IPO11: variants seen among roughly 807,000 people sequenced by gnomAD.
The protein encoded by IPO11 is importin-11.
In IPO11, 66 loss-of-function variants were observed where a neutral mutation model predicts 143.2. The observed-to-expected ratio is 0.46, with a 90% CI of 0.38 to 0.57. The LOEUF is 0.57. Ranked by LOEUF, IPO11 falls within the 20% of genes least tolerant of loss-of-function variation. The pLI is 0.00. For synonymous variants in IPO11, 385 were observed against 377.8 expected (o/e 1.02, Z -0.22); for missense variants, 1,026 against 1,141.0 (o/e 0.90, Z 1.45).
chr5:62,477,662 C>G (rs1208145354), intron 9 of IPO11, among the ~76,000 whole-genome samples: 2 of 152,198 alleles, frequency 1.3e-5, no homozygotes, highest in Non-Finnish European at 2.9e-5. Context: ...GTATATATCA[C>G]TGACACTTGC....
chr5:62,417,120 GT>G (rs34609055), intron 1 of IPO11, among the ~76,000 whole-genome samples: 8 of 146,502 alleles, frequency 5.5e-5, no homozygotes, highest in East Asian at 2.0e-4. Flanking sequence ...ATTTTTCTTA[GT>G]TTTTTTTTTT....
intron 4 of IPO11, among the ~76,000 whole-genome samples, chr5:62,451,487 T>C (rs1438724013): frequency 1.3e-5 from 2 of 152,172 alleles, no homozygotes; most frequent in Admixed American, 6.5e-5. Flanking sequence ...GTGGACATTA[T>C]ATGAAGAAAA....
chr5:62,455,284 C>A (rs1745091847), intron 5 of IPO11, among the ~76,000 whole-genome samples: 1 of 152,094 alleles, frequency 6.6e-6, no homozygotes, highest in African/African-American at 2.4e-5. Context: ...CACTGGGAGG[C>A]CGTGGTGGGC....
At chr5:62,565,873 T>G (rs1397444379) in intron 27 of IPO11, among the ~76,000 whole-genome samples, 1 of 149,828 alleles carries the variant, frequency 6.7e-6, no homozygotes, top group Non-Finnish European at 1.5e-5. Flanking sequence ...AGTGAGAGCA[T>G]GCAGTGCTTG....
intron 20 of IPO11, among the ~76,000 whole-genome samples, chr5:62,520,588 T>C (rs1254391162): frequency 3.3e-5 from 5 of 152,254 alleles, no homozygotes; most frequent in Admixed American, 1.3e-4. Flanking sequence ...GTGTTCTCAT[T>C]GTTCAGTTCC....
chr5:62,613,298 CTTTTTT>C (rs372608086), intron 29 of IPO11, among the ~76,000 whole-genome samples: 2 of 69,054 alleles, frequency 2.9e-5, no homozygotes, highest in African/African-American at 5.4e-5. Context: ...ACATGCTCTT[CTTTTTT>C]TTTTTTTTTT....
At chr5:62,530,639 T>C in intron 21 of IPO11, 70 bp from the exon 22 acceptor site, 2 of 891,320 alleles carry the variant, frequency 2.2e-6, no homozygotes, top group Admixed American at 4.0e-5. Context: ...CCTTTTAAAA[T>C]ATTTAAGTCA....
At chr5:62,474,863 T>C (rs1580221411) in intron 8 of IPO11, among the ~76,000 whole-genome samples, 1 of 152,150 alleles carries the variant, frequency 6.6e-6, no homozygotes, top group African/African-American at 2.4e-5. Flanking sequence ...AACAGGCAGG[T>C]AGTGTATATA....
Position 62,561,178 on chromosome 5 carries a change from C to T in IPO11, c.2503C>T (p.Arg835Ter). The T allele has an allele frequency of 1.2e-6, 2 of 1,609,702 alleles. No homozygotes were observed. Among genetic ancestry groups the T allele is most frequent in the Non-Finnish European group, 1.7e-6 (2 of 1,177,972 alleles). The change falls in exon 27 of 30, where the codon CGA (arginine) becomes TGA (stop). Residue 835 changes from arginine (R) to a stop codon, truncating the protein, a stop_gained. Transcript: ENST00000325324. LOFTEE classifies it high-confidence loss of function. Reference protein sequence around the residue: ...LGNMIEMWVDRMDNITQPERR... With the variant: ...LGNMIEMWVD ...AAATATGATTGAAATGTGGGTTGATCGAATGGACAACATTACCCAGCCTGA... is the reference window on the plus strand; with the variant it reads ...AAATATGATTGAAATGTGGGTTGATTGAATGGACAACATTACCCAGCCTGA...
At chr5:62,478,271 TC>T (rs1333754620) in intron 9 of IPO11, among the ~76,000 whole-genome samples, 1 of 152,162 alleles carries the variant, frequency 6.6e-6, no homozygotes, top group Non-Finnish European at 1.5e-5. Flanking sequence ...GCTCAAGTGA[TC>T]CTTCCACCTC....
chr5:62,540,628 G>T (rs1436889726), intron 24 of IPO11, among the ~76,000 whole-genome samples: 1 of 152,240 alleles, frequency 6.6e-6, no homozygotes, highest in African/African-American at 2.4e-5. Context: ...TCCAGGGTTA[G>T]AACATTGGCT....
At chr5:62,474,601 C>A in intron 8 of IPO11, 137 bp downstream of exon 8, 2 of 655,422 alleles carry the variant, frequency 3.1e-6, no homozygotes, top group Middle Eastern at 3.9e-4. Flanking sequence ...ACTTATAAAT[C>A]TAGAGAAAGT....
At chr5:62,545,875 A>G (rs1389226784) in intron 24 of IPO11, among the ~76,000 whole-genome samples, 3 of 152,244 alleles carry the variant, frequency 2.0e-5, no homozygotes, top group South Asian at 2.1e-4. Context: ...CATCAGAGAA[A>G]TGCAAATTAA....
At chr5:62,413,262 G>A (rs186722290) in intron 1 of IPO11, 15 of 152,426 alleles carry the variant, frequency 9.8e-5, no homozygotes, top group African/African-American at 3.1e-4. Flanking sequence ...TTGGGGGATA[G>A]GTGGTGCAAA....
intron 1 of IPO11, among the ~76,000 whole-genome samples, chr5:62,421,405 G>C (rs543799001): frequency 2.0e-5 from 3 of 152,316 alleles, no homozygotes; most frequent in African/African-American, 7.2e-5. Context: ...CTGTGAACTT[G>C]ATGTATTTTT....
chr5:62,591,510 G>T, intron 27 of IPO11, 67 bp from the exon 28 acceptor site: 1 of 789,794 alleles, frequency 1.3e-6, no homozygotes, highest in African/African-American at 1.9e-5. Flanking sequence ...AGATGTTTAG[G>T]AAAAAAAAAA....
At chr5:62,459,451 C>T (rs1745281316) in intron 5 of IPO11, among the ~76,000 whole-genome samples, 1 of 151,770 alleles carries the variant, frequency 6.6e-6, no homozygotes, top group Non-Finnish European at 1.5e-5. Flanking sequence ...CTGGAAATTG[C>T]TTTTGAGATA....
In IPO11 at chr5:62,537,246, T is replaced by G; in HGVS notation, c.2207T>G (p.Leu736Arg). ...GGTCTATGCCAGTCCTTTTGTGAAC[T>G]TTTAAAGGAAATTACTACAGAAGGT... The part of the protein sequence containing the change: ...AVGLCQSFCE[L>R]LKEITTEGQV... Residue 736 changes from leucine (L) to arginine (R), a missense_variant, in exon 24 of 30, where the codon CTT becomes CGT. This residue lies in a region of IPO11 where 351 missense variants were observed against 358.9 expected (regional missense o/e 0.98). Transcript: ENST00000325324. The G allele has an allele frequency of 1.2e-6, 2 of 1,607,664 alleles. No homozygotes were observed. The highest frequency in any genetic ancestry group is 1.7e-6 in the Non-Finnish European group (2 of 1,175,192).
intron 28 of IPO11, among the ~76,000 whole-genome samples, chr5:62,598,404 C>CT (rs1227093037): frequency 1.0e-4 from 1 of 9,738 alleles, no homozygotes; most frequent in Non-Finnish European, 1.5e-4. Flanking sequence ...TTCTTTCTTT[C>CT]TTTCTTTCTT....
Sources: gnomAD v4.1 joint callset for allele counts (sites outside exome capture counted in the v4.1 genomes callset) on GRCh38, gnomAD v4.1.1 for gene constraint, gnomAD v4.1.1 regional missense constraint, MANE v1.5 for transcripts, NCBI Gene and HGNC (gene_info 2026-07-23, HGNC 2026-07-21) for gene names.